Variants in CDH3 observed in about 807,000 individuals in gnomAD.
CDH3 encodes the protein cadherin 3.
Under a neutral mutation model 82.0 loss-of-function variants are expected in CDH3, and 54 were observed. The ratio of observed to expected loss-of-function variants is 0.66; its 90% CI spans 0.53 to 0.83. The LOEUF (loss-of-function observed/expected upper bound fraction) is 0.83, where lower values mean the gene tolerates loss of function less well. Among genes scored for constraint, CDH3 ranks in the 40% least tolerant of loss-of-function variants. The pLI is 0.00. For synonymous variants in CDH3, 446 were observed against 437.9 expected, an observed-to-expected ratio of 1.02 and a Z score of -0.23; for missense variants, 1,054 against 1,084.6, an observed-to-expected ratio of 0.97 and a Z score of 0.40.
At chr16:68,649,178 C>T (rs1415622740) in intron 2 of CDH3, among the ~76,000 whole-genome samples, 1 of 152,096 alleles carries the variant, frequency 6.6e-6, no homozygotes, top group Non-Finnish European at 1.5e-5. Flanking sequence ...CTGAGAGAGG[C>T]AGCTTAATGG....
In CDH3 at chr16:68,687,665, A is replaced by G. The variant is rs1310647677; in HGVS notation, c.1724A>G (p.His575Arg). 6.2e-7 allele frequency: 1 copy of G among 1,613,856 alleles called. No homozygotes were observed. The highest frequency in any genetic ancestry group is 8.5e-7 in the Non-Finnish European group (1 of 1,179,968). Residue 575 changes from histidine to arginine, a missense_variant, in exon 12 of 16, where the codon CAC (histidine) becomes CGC (arginine). Coordinates refer to ENST00000264012, the MANE Select transcript of CDH3 (RefSeq NM_001793.6). The part of the protein sequence containing the change: ...LNITDKDLSP[H>R]TSPFQAQLTD... The stretch of plus-strand genomic sequence containing the variant: ...ATCACGGACAAGGACCTGTCTCCCC[A>G]CACCTCCCCTTTCCAGGCCCAGCTC...
At chr16:68,724,364 A>G (rs1962196688) in intron 2 of CDH3, among the ~76,000 whole-genome samples, 1 of 152,158 alleles carries the variant, frequency 6.6e-6, no homozygotes, top group East Asian at 1.9e-4. Flanking sequence ...CACACCTGTA[A>G]TCCCACCAGT....
At position 68,698,417 on chromosome 16, in the gene CDH3, G is replaced by T. The variant is rs1196586287; in HGVS notation, c.*17G>T. 7 of 1,611,122 alleles carry T rather than the reference G, an allele frequency of 4.3e-6. No individual in the cohort carries two copies. The highest frequency in any genetic ancestry group is 4.0e-5 in the African/African-American group (3 of 74,876). On this transcript the variant is annotated 3_prime_UTR_variant, in exon 16 of 16. Coordinates refer to ENST00000264012, the MANE Select transcript of CDH3 (RefSeq NM_001793.6). ...GACGACTAGGCGGCCTGCCTGCAGG[G>T]CTGGGGACCAAACGTCAGGCCACAG... is the stretch of plus-strand genomic sequence containing the variant.
At chr16:68,660,683 G>A (rs897444884) in intron 2 of CDH3, among the ~76,000 whole-genome samples, 1 of 152,152 alleles carries the variant, frequency 6.6e-6, no homozygotes, top group Non-Finnish European at 1.5e-5. Flanking sequence ...AATAGGCTGG[G>A]CGCTGGGGCT....
intron 2 of CDH3, among the ~76,000 whole-genome samples, chr16:68,650,778 C>G (rs1444317168): frequency 6.6e-6 from 1 of 152,070 alleles, no homozygotes. Flanking sequence ...CCAGCAGGGA[C>G]CCTCACCCTA....
intron 2 of CDH3, among the ~76,000 whole-genome samples, chr16:68,723,940 G>A (rs368471015): frequency 6.6e-5 from 10 of 152,026 alleles, no homozygotes; most frequent in Non-Finnish European, 1.3e-4. Context: ...ATAGTGGCGG[G>A]TGCCTGTAGT....
intron 1 of CDH3, among the ~76,000 whole-genome samples, chr16:68,705,710 C>T (rs1961952706): frequency 6.6e-6 from 1 of 151,456 alleles, no homozygotes; most frequent in Middle Eastern, 3.2e-3. Context: ...GCGTGAGCCG[C>T]CGTGCCCAGC....
At chr16:68,732,856 G>A in the CDH3 span, among the ~76,000 whole-genome samples, 1 of 151,762 alleles carries the variant, frequency 6.6e-6, no homozygotes, top group Non-Finnish European at 1.5e-5. Flanking sequence ...TCTTTAAAGT[G>A]CAAATGGCCC....
In CDH3 at chr16:68,684,581, A is replaced by C; in HGVS notation, c.1183-2A>C. On this transcript the variant is annotated splice_acceptor_variant, in intron 9 of 15. Transcript: ENST00000264012. LOFTEE classifies it high-confidence loss of function. ...CAGGTCCTTCTTCCTCTTCTCTCCT[A>C]GGGTTTGGATTTTGAGGCCAAAAAC... The C allele has an allele frequency of 6.2e-7, 1 of 1,614,058 alleles. No homozygotes were observed. The highest frequency in any genetic ancestry group is 8.5e-7 in the Non-Finnish European group (1 of 1,180,012).
chr16:68,676,582 T>A, intron 3 of CDH3, 112 bp downstream of exon 3: 1 of 798,042 alleles, frequency 1.3e-6, no homozygotes, highest in South Asian at 1.4e-5. Context: ...AGTCAGCCCT[T>A]CAGAGGAGGT....
intron 2 of CDH3, among the ~76,000 whole-genome samples, chr16:68,646,851 T>A (rs1233529154): frequency 2.0e-5 from 3 of 152,142 alleles, no homozygotes; most frequent in African/African-American, 7.2e-5. Context: ...CATCAACTTA[T>A]CCCTCACCCC....
At position 68,682,326 on chromosome 16, in the gene CDH3, G is replaced by A. The variant is rs748815335; in HGVS notation, c.1021G>A (p.Ala341Thr). 1 of 1,613,996 alleles carries A rather than the reference G, an allele frequency of 6.2e-7. No individual in the cohort carries two copies. The highest frequency in any genetic ancestry group is 8.5e-7 in the Non-Finnish European group (1 of 1,180,024). Residue 341 changes from alanine to threonine, a missense_variant, in exon 9 of 16, where the codon GCA (alanine) becomes ACA (threonine). Coordinates refer to ENST00000264012, the MANE Select transcript of CDH3 (RefSeq NM_001793.6). ...QKYEAHVPEN[A>T]VGHEVQRLTV... The stretch of plus-strand genomic sequence containing the variant: ...GTACGAGGCCCATGTGCCTGAGAAT[G>A]CAGTGGGCCATGAGGTGCAGAGGCT...
At position 68,707,866 on chromosome 16, in the gene CDH3, C is replaced by G. The variant is rs34565494; in HGVS notation, c.99+11943C>G. On this transcript the variant is annotated intron_variant, in intron 1 of 2. Transcript: ENST00000569080. The surrounding 1 kb of genome is among the most constrained non-coding windows in gnomAD (Gnocchi z 4.5). ...GGGCCGGGGAGGAATCTGAGAGGGG[C>G]GGGGCGGGTCAGGAATGCCTGGGCT... 6.7e-6 allele frequency among the ~76,000 whole-genome samples: 1 copy of G among 149,802 alleles called. No homozygotes were observed. The highest frequency in any genetic ancestry group is 6.7e-5 in the Admixed American group (1 of 15,026).
the CDH3 span, among the ~76,000 whole-genome samples, chr16:68,733,231 A>G: frequency 2.0e-5 from 3 of 152,122 alleles, no homozygotes; most frequent in Admixed American, 2.0e-4. Flanking sequence ...TGATCCTCCT[A>G]CCTCAGCCTC....
rs1336798458 is a variant in CDH3, at chr16:68,691,705, A to T, written c.1796-15A>T. ...TGATGGTTCCCACAGCTAATCAATG[A>T]TCTGTTCACTCCAGGTGACACAGTG... is the stretch of plus-strand genomic sequence containing the variant. On this transcript the variant is annotated splice_polypyrimidine_tract_variant and intron_variant, in intron 12 of 15. Coordinates refer to ENST00000264012, the MANE Select transcript of CDH3 (RefSeq NM_001793.6). 6.2e-7 allele frequency: 1 copy of T among 1,605,892 alleles called. No individual in the cohort carries two copies. Among genetic ancestry groups the T allele is most frequent in the Non-Finnish European group, 8.5e-7 (1 of 1,172,618 alleles).
At chr16:68,709,895 C>T (rs2152109853) in intron 1 of CDH3, among the ~76,000 whole-genome samples, 1 of 152,310 alleles carries the variant, frequency 6.6e-6, no homozygotes, top group Admixed American at 6.5e-5. Context: ...TCCTGGAATT[C>T]AACCACTTCT....
chr16:68,692,024 A>G (rs1961595102), intron 13 of CDH3, 98 bp downstream of exon 13: 1 of 909,456 alleles, frequency 1.1e-6, no homozygotes, highest in African/African-American at 1.7e-5. Flanking sequence ...GGCCACCAAC[A>G]TTGCCCGTCC....
intron 1 of CDH3, among the ~76,000 whole-genome samples, chr16:68,713,314 T>G (rs1289026401): frequency 6.6e-6 from 1 of 152,120 alleles, no homozygotes; most frequent in Non-Finnish European, 1.5e-5. Flanking sequence ...TCCCTAATCC[T>G]AATCAACAAG....
intron 2 of CDH3, among the ~76,000 whole-genome samples, chr16:68,725,177 T>C (rs1377304081): frequency 2.0e-5 from 3 of 152,154 alleles, no homozygotes; most frequent in African/African-American, 4.8e-5. Flanking sequence ...AGCCCCACTT[T>C]CCAGGGGGCT....
Sources: allele counts gnomAD v4.1 joint callset (sites outside exome capture counted in the v4.1 genomes callset), GRCh38; gene constraint gnomAD v4.1.1; non-coding constraint Gnocchi (gnomAD v3.1); transcripts MANE v1.5; gene names NCBI Gene and HGNC (gene_info 2026-07-23, HGNC 2026-07-21).